Variants in ZMAT4 observed in about 807,000 individuals in gnomAD.
The protein encoded by ZMAT4 is zinc finger matrin-type protein 4.
A neutral mutation model predicts 28.7 loss-of-function variants in ZMAT4; 17 were observed. That is an observed-to-expected ratio of 0.59 (90% CI 0.41 to 0.89). The LOEUF is 0.89. Ranked by LOEUF, ZMAT4 falls within the 40% of genes least tolerant of loss-of-function variation. The pLI is 0.00. For missense variants in ZMAT4, 240 were observed against 283.8 expected (o/e 0.85, Z 1.11); for synonymous variants, 117 against 109.2 (o/e 1.07, Z -0.44).
At chr8:40,565,932 C>T (rs80175745) in intron 6 of ZMAT4, among the ~76,000 whole-genome samples, 2,281 of 152,134 alleles carry the variant, frequency 0.015, 45 homozygotes, top group African/African-American at 0.05. Flanking sequence ...GCACTCTCTC[C>T]TGTGATTTCA....
intron 1 of ZMAT4, among the ~76,000 whole-genome samples, chr8:40,889,303 A>G (rs1433490789): frequency 6.6e-6 from 1 of 152,228 alleles, no homozygotes; most frequent in African/African-American, 2.4e-5. Context: ...GCCGCATTTC[A>G]CGTGAGCGTT....
At chr8:40,674,677 G>C (rs767994075) in intron 5 of ZMAT4, 27 bp downstream of exon 5, 1 of 1,583,966 alleles carries the variant, frequency 6.3e-7, no homozygotes, top group Non-Finnish European at 8.7e-7. Flanking sequence ...CCAGTTTTGT[G>C]GCAGAAGTGA....
At chr8:40,580,247 C>T (rs1366864237) in intron 6 of ZMAT4, among the ~76,000 whole-genome samples, 1 of 151,988 alleles carries the variant, frequency 6.6e-6, no homozygotes, top group Non-Finnish European at 1.5e-5. Context: ...CTGCTGACCT[C>T]CTGATCCGCC....
intron 1 of ZMAT4, among the ~76,000 whole-genome samples, chr8:40,839,613 G>A (rs998354758): frequency 6.6e-6 from 1 of 152,200 alleles, no homozygotes; most frequent in African/African-American, 2.4e-5. Flanking sequence ...GTTTACCATA[G>A]AATACTATGC....
In ZMAT4 at chr8:40,767,671, C is replaced by T. The variant is rs767001986; in HGVS notation, c.162G>A (p.Gly54=). 3.1e-6 allele frequency: 5 copies of T among 1,612,944 alleles called. No homozygotes were observed. In the East Asian group the frequency reaches 8.9e-5, roughly 29 times the overall value. The change falls in exon 3 of 7, where the codon GGG becomes GGA. Residue 54 remains glycine (G), a synonymous_variant. Transcript: ENST00000297737. The part of the protein sequence containing the change: ...LYYMLHPRDG[G]CPAKRLRSEN... ...CTGACCGGAGCCTCTTGGCAGGACA[C>T]CCTCCATCCCTGGGGTGAAGCATGT...
At position 40,697,412 on chromosome 8, in the gene ZMAT4, A is replaced by G. The variant is rs371368360; in HGVS notation, c.193-11T>C. ...GTCGGCATCACTTCCCTGCGCAGGG[A>G]GAAAGAAAGGCCACGTGTGAGAGAA... is the stretch of plus-strand genomic sequence containing the variant. On this transcript the variant is annotated splice_polypyrimidine_tract_variant and intron_variant, in intron 3 of 6. Transcript: ENST00000297737. The G allele has an allele frequency of 3.0e-5, 47 of 1,555,378 alleles. No individual in the cohort carries two copies. Among genetic ancestry groups the G allele is most frequent in the Non-Finnish European group, 3.9e-5 (45 of 1,146,788 alleles).
At chr8:40,818,397 T>C (rs1033130733) in intron 2 of ZMAT4, among the ~76,000 whole-genome samples, 1 of 152,258 alleles carries the variant, frequency 6.6e-6, no homozygotes, top group Non-Finnish European at 1.5e-5. Context: ...TCCAAAAAGA[T>C]CTTCCATATG....
At chr8:40,634,767 G>A (rs983669110) in intron 5 of ZMAT4, among the ~76,000 whole-genome samples, 4 of 152,070 alleles carry the variant, frequency 2.6e-5, no homozygotes, top group South Asian at 2.1e-4. Context: ...ACAAGCAAAC[G>A]CCAATAATCT....
intron 6 of ZMAT4, among the ~76,000 whole-genome samples, chr8:40,580,648 A>G (rs1325127735): frequency 6.6e-6 from 1 of 152,216 alleles, no homozygotes; most frequent in Admixed American, 6.5e-5. Flanking sequence ...AATTATGAGA[A>G]TATTTGAAAA....
At chr8:40,850,302 G>A (rs966528365) in intron 1 of ZMAT4, among the ~76,000 whole-genome samples, 6 of 151,946 alleles carry the variant, frequency 3.9e-5, no homozygotes, top group African/African-American at 7.3e-5. Flanking sequence ...AGCCTCCCCC[G>A]CCACTCACTG....
intron 5 of ZMAT4, among the ~76,000 whole-genome samples, chr8:40,606,364 G>C (rs1229341865): frequency 6.6e-6 from 1 of 152,136 alleles, no homozygotes; most frequent in Non-Finnish European, 1.5e-5. Flanking sequence ...TTCTTGTAGA[G>C]CTGGCTTGGT....
intron 3 of ZMAT4, among the ~76,000 whole-genome samples, chr8:40,713,412 C>A (rs1221807325): frequency 6.6e-6 from 1 of 150,554 alleles, no homozygotes; most frequent in Non-Finnish European, 1.5e-5. Flanking sequence ...CAAGAAATAA[C>A]ACGAAGCCAA....
At chr8:40,793,379 T>C (rs1217998730) in intron 2 of ZMAT4, among the ~76,000 whole-genome samples, 1 of 152,196 alleles carries the variant, frequency 6.6e-6, no homozygotes, top group Non-Finnish European at 1.5e-5. Context: ...CGTGTGCCCC[T>C]GGAGGGGGAA....
rs566890154 is a variant in ZMAT4, at chr8:40,886,084, C to G, written c.-5+11599G>C. ...AAAAGAACACATAACATGTCAAAAGCTCATATCTCCTATTAAGGAAACTGA... is the reference window on the plus strand; with the variant it reads ...AAAAGAACACATAACATGTCAAAAGGTCATATCTCCTATTAAGGAAACTGA... On this transcript the variant is annotated intron_variant, in intron 1 of 6. Transcript: ENST00000297737. Among the ~76,000 whole-genome samples, 353 of 152,314 alleles carry G rather than the reference C, an allele frequency of 2.3e-3. 1 individual carries two copies. Among genetic ancestry groups the G allele is most frequent in the Non-Finnish European group, 4.4e-3 (296 of 68,034 alleles).
chr8:40,786,914 AACAG>A, intron 2 of ZMAT4: 1 of 349,894 alleles, frequency 2.9e-6, no homozygotes, highest in East Asian at 8.1e-5. Flanking sequence ...ATTAAAACAG[AACAG>A]ACAGAGTCTG....
intron 2 of ZMAT4, among the ~76,000 whole-genome samples, chr8:40,823,457 G>A (rs748034164): frequency 6.6e-6 from 1 of 152,106 alleles, no homozygotes. Flanking sequence ...AGGAGATCGA[G>A]ACCATCCTGG....
intron 3 of ZMAT4, among the ~76,000 whole-genome samples, chr8:40,749,862 AG>A: frequency 6.6e-6 from 1 of 152,332 alleles, no homozygotes; most frequent in East Asian, 1.9e-4. Context: ...CCCCTTCCTT[AG>A]ATCATTTGCA....
intron 1 of ZMAT4, among the ~76,000 whole-genome samples, chr8:40,890,977 C>A (rs1448514649): frequency 1.3e-5 from 2 of 151,744 alleles, no homozygotes; most frequent in African/African-American, 2.4e-5. Context: ...GTACCCTACA[C>A]CCAGATGCAC....
intron 5 of ZMAT4, among the ~76,000 whole-genome samples, chr8:40,590,876 A>G (rs1017869427): frequency 7.2e-5 from 11 of 152,110 alleles, no homozygotes; most frequent in Admixed American, 2.0e-4. Context: ...TGTCCCCATT[A>G]GGTTCCATCT....
Sources: allele counts gnomAD v4.1 joint callset (sites outside exome capture counted in the v4.1 genomes callset), GRCh38; gene constraint gnomAD v4.1.1; transcripts MANE v1.5; gene names NCBI Gene and HGNC (gene_info 2026-07-23, HGNC 2026-07-21).